The following SLC5A1 variants were observed in gnomAD, a reference collection of about 807,000 sequenced individuals.
SLC5A1 encodes the protein sodium/glucose cotransporter 1.
A neutral mutation model predicts 73.5 loss-of-function variants in SLC5A1; 42 were observed. The observed-to-expected ratio is 0.57, with a 90% CI of 0.45 to 0.74. The LOEUF is 0.74. Among genes scored for constraint, SLC5A1 ranks in the 30% least tolerant of loss-of-function variants. SLC5A1 has a pLI of 0.00. For missense variants in SLC5A1, 634 were observed against 855.4 expected, an observed-to-expected ratio of 0.74 and a Z score of 3.23; for synonymous variants, 300 against 317.4, an observed-to-expected ratio of 0.95 and a Z score of 0.58.
chr22:32,073,505 C>T (rs911108430), intron 5 of SLC5A1, among the ~76,000 whole-genome samples: 1 of 152,142 alleles, frequency 6.6e-6, no homozygotes, highest in South Asian at 2.1e-4. Context: ...TGTCATGATT[C>T]AGCCTCCTTT....
Position 32,110,631 on chromosome 22 carries a change from T to G in SLC5A1, c.*418T>G, listed in dbSNP as rs1008495637. 2 of 286,688 alleles carry G rather than the reference T, an allele frequency of 7.0e-6. No individual in the cohort carries two copies. The highest frequency in any genetic ancestry group is 1.3e-5 in the Non-Finnish European group (2 of 148,790). 17.8% of individuals were successfully genotyped at this position (286,688 alleles called of 1,614,324 possible). A position where few individuals can be genotyped will look rare whatever the true frequency, so the allele number is the denominator to read the frequency against. ...TCCTGTCCGTCCTCCTCCCCATTTT[T>G]TTTTTAAAAGAAAGCTGTTTTCCCC... is the stretch of plus-strand genomic sequence containing the variant. On this transcript the variant is annotated 3_prime_UTR_variant, in exon 15 of 15. Transcript: ENST00000266088.
intron 1 of SLC5A1, among the ~76,000 whole-genome samples, chr22:32,046,049 A>T (rs1297676041): frequency 6.6e-6 from 1 of 152,218 alleles, no homozygotes; most frequent in Non-Finnish European, 1.5e-5. Context: ...TAAAGAAAAA[A>T]AATTTACTGA....
rs751246703 is a variant in SLC5A1, at chr22:32,068,613, C to A, written c.477+13C>A. Reference sequence around the variant, plus strand: ...CACCAAGATCTCGGTGAGTCCACTGCCCCAGAGGGCTGGGCTGTCTCAGAA... The same window carrying A: ...CACCAAGATCTCGGTGAGTCCACTGACCCAGAGGGCTGGGCTGTCTCAGAA... On this transcript the variant is annotated intron_variant, in intron 5 of 14. Coordinates refer to ENST00000266088, the MANE Select transcript of SLC5A1 (RefSeq NM_000343.4). 8 of 1,550,378 alleles carry A rather than the reference C, an allele frequency of 5.2e-6. No homozygotes were observed. The highest frequency in any genetic ancestry group is 7.1e-6 in the Non-Finnish European group (8 of 1,123,728).
At chr22:32,070,307 TC>T (rs894180141) in intron 5 of SLC5A1, among the ~76,000 whole-genome samples, 4 of 134,342 alleles carry the variant, frequency 3.0e-5, no homozygotes, top group Non-Finnish European at 4.7e-5. Context: ...TTCTTCTTCT[TC>T]CTTCTTCCTT....
At chr22:32,063,067 GAA>G (rs2093966131) in intron 2 of SLC5A1, among the ~76,000 whole-genome samples, 1 of 152,102 alleles carries the variant, frequency 6.6e-6, no homozygotes, top group African/African-American at 2.4e-5. Context: ...GGGAGAGAGA[GAA>G]AGAGATTTCT....
Position 32,086,221 on chromosome 22 carries a change from A to G in SLC5A1, c.1023A>G (p.Glu341=). Reference sequence around the variant, plus strand: ...ACGTGGCTCTCCATCTCTTCCCAGAAAAAATTGCCTGTGTCGTCCCTTCAG... The same window carrying G: ...ACGTGGCTCTCCATCTCTTCCCAGAGAAAATTGCCTGTGTCGTCCCTTCAG... ...PGMISRILYT[E]KIACVVPSEC... Residue 341 remains glutamate (E), a splice_region_variant and synonymous_variant, in exon 10 of 15, where the codon GAA becomes GAG. Coordinates refer to ENST00000266088, the MANE Select transcript of SLC5A1 (RefSeq NM_000343.4). The G allele has an allele frequency of 1.2e-6, 2 of 1,609,982 alleles. No homozygotes were observed. The highest frequency in any genetic ancestry group is 1.3e-5 in the African/African-American group (1 of 74,992).
At position 32,068,572 on chromosome 22, in the gene SLC5A1, T is replaced by A. The variant is rs2093977963; in HGVS notation, c.449T>A (p.Leu150Gln). The A allele has an allele frequency of 6.2e-7, 1 of 1,613,612 alleles. No homozygotes were observed. The highest frequency in any genetic ancestry group is 8.5e-7 in the Non-Finnish European group (1 of 1,179,766). ...RIQVYLSLLS[L>Q]LLYIFTKISA... ...CAGGTCTACCTTTCCCTTCTGTCCC[T>A]GCTGCTCTACATTTTCACCAAGATC... The change falls in exon 5 of 15, where the codon CTG becomes CAG. Residue 150 changes from leucine (L) to glutamine (Q), a missense_variant. This residue lies in a region of SLC5A1 where 422 missense variants were observed against 626.1 expected (regional missense o/e 0.67). Transcript: ENST00000266088.
chr22:32,058,743 C>CTT (rs1170042872), intron 2 of SLC5A1, among the ~76,000 whole-genome samples: 3 of 152,146 alleles, frequency 2.0e-5, no homozygotes, highest in Non-Finnish European at 4.4e-5. Context: ...GTCAGTTCCC[C>CTT]TTATGGTCTT....
At chr22:32,065,571 T>C (rs1169760029) in intron 2 of SLC5A1, among the ~76,000 whole-genome samples, 18 of 152,240 alleles carry the variant, frequency 1.2e-4, no homozygotes, top group Admixed American at 1.2e-3. Flanking sequence ...TATTTATGTT[T>C]ACAGTATTTG....
At chr22:32,045,661 C>T (rs1410425347) in intron 1 of SLC5A1, among the ~76,000 whole-genome samples, 2 of 152,240 alleles carry the variant, frequency 1.3e-5, no homozygotes, top group East Asian at 1.9e-4. Flanking sequence ...TGCTCTTTTA[C>T]AATTCTGCCT....
intron 1 of SLC5A1, among the ~76,000 whole-genome samples, chr22:32,048,042 C>T (rs964523993): frequency 1.1e-4 from 17 of 151,544 alleles, no homozygotes; most frequent in Admixed American, 1.3e-4. Flanking sequence ...CTCCCATCTA[C>T]TCGGGAGGCT....
chr22:32,104,829 G>A lies in SLC5A1; in HGVS notation c.1709G>A (p.Arg570His), dbSNP rs2094042438. 9 of 1,614,126 alleles carry A rather than the reference G, an allele frequency of 5.6e-6. No individual in the cohort carries two copies. Among genetic ancestry groups the A allele is most frequent in the Non-Finnish European group, 6.8e-6 (8 of 1,180,012 alleles). The change falls in exon 14 of 15, where the codon CGT (arginine) becomes CAT (histidine). Residue 570 changes from arginine to histidine, a missense_variant. Around this residue, in one of 3 missense-constraint regions of SLC5A1, gnomAD observed 161 missense variants for 178.7 expected, o/e 0.90. Coordinates refer to ENST00000266088, the MANE Select transcript of SLC5A1 (RefSeq NM_000343.4). The part of the protein sequence containing the change: ...CWSLRNSKEE[R>H]IDLDAEEENI... ...AGCCTGCGCAACAGCAAAGAGGAGC[G>A]TATTGACCTGGATGCGGAAGAGGAG...
intron 5 of SLC5A1, among the ~76,000 whole-genome samples, chr22:32,074,293 A>G (rs1257637278): frequency 6.6e-6 from 1 of 152,026 alleles, no homozygotes; most frequent in Non-Finnish European, 1.5e-5. Flanking sequence ...CACCTCACCT[A>G]TTTTTCAAGT....
chr22:32,078,450 T>G (rs968364103), intron 5 of SLC5A1, among the ~76,000 whole-genome samples: 2 of 152,080 alleles, frequency 1.3e-5, no homozygotes, highest in Admixed American at 6.5e-5. Flanking sequence ...GTATTTTTAG[T>G]AGAGACAGGG....
In SLC5A1 at chr22:32,088,940, A is replaced by C. The variant is rs1603133010; in HGVS notation, c.1129+2613A>C. 3.3e-5 allele frequency among the ~76,000 whole-genome samples: 5 copies of C among 152,256 alleles called. 1 individual carries two copies. The highest frequency in any genetic ancestry group is 3.3e-4 in the Admixed American group (5 of 15,288). On this transcript the variant is annotated intron_variant, in intron 10 of 14. Coordinates refer to ENST00000266088, the MANE Select transcript of SLC5A1 (RefSeq NM_000343.4). Reference sequence around the variant, plus strand: ...TTTGTCTCCTAATGTATGTCTCTCTATTTTTACTTTTGTTACCCTAGTCTG... The same window carrying C: ...TTTGTCTCCTAATGTATGTCTCTCTCTTTTTACTTTTGTTACCCTAGTCTG...
rs200518412 is a variant in SLC5A1 at position 32,110,614 on chromosome 22, G to A, written c.*401G>A. The A allele has an allele frequency of 3.6e-5, 10 of 280,030 alleles. No individual in the cohort carries two copies. Among genetic ancestry groups the A allele is most frequent in the Admixed American group, 4.9e-5 (1 of 20,350 alleles). 17.3% of individuals were successfully genotyped at this position (280,030 alleles called of 1,614,324 possible). ...CTGGTTCCTGCCACTTTTCCTGTCC[G>A]TCCTCCTCCCCATTTTTTTTTTAAA... On this transcript the variant is annotated 3_prime_UTR_variant, in exon 15 of 15. Coordinates refer to ENST00000266088, the MANE Select transcript of SLC5A1 (RefSeq NM_000343.4).
intron 5 of SLC5A1, among the ~76,000 whole-genome samples, chr22:32,080,199 C>T (rs980551452): frequency 1.3e-5 from 2 of 152,182 alleles, no homozygotes; most frequent in Non-Finnish European, 2.9e-5. Flanking sequence ...CCTCCTGGCT[C>T]TGCCTCCCCT....
At chr22:32,096,042 C>G (rs1209182880) in intron 11 of SLC5A1, among the ~76,000 whole-genome samples, 1 of 152,136 alleles carries the variant, frequency 6.6e-6, no homozygotes, top group Non-Finnish European at 1.5e-5. Flanking sequence ...CAGGAGCAAT[C>G]TGCTACCTTC....
At chr22:32,108,656 A>T (rs1267744616) in intron 14 of SLC5A1, among the ~76,000 whole-genome samples, 2 of 152,202 alleles carry the variant, frequency 1.3e-5, no homozygotes, top group African/African-American at 4.8e-5. Context: ...CTACCACAAT[A>T]AGAGAGGCTC....
Sources: gnomAD v4.1 joint callset for allele counts (sites outside exome capture counted in the v4.1 genomes callset) on GRCh38, gnomAD v4.1.1 for gene constraint, gnomAD v4.1.1 regional missense constraint, MANE v1.5 for transcripts, NCBI Gene and HGNC (gene_info 2026-07-23, HGNC 2026-07-21) for gene names.